The following CERS5 variants were observed in gnomAD, a reference collection of about 807,000 sequenced individuals.
The protein encoded by CERS5 is LAG1 homolog, ceramide synthase 5.
Under a neutral mutation model 58.9 loss-of-function variants are expected in CERS5, and 37 were observed. That is an observed-to-expected ratio of 0.63 (90% CI 0.48 to 0.83). The LOEUF (loss-of-function observed/expected upper bound fraction) is 0.83. CERS5 is among the 40% of genes least tolerant of loss of function. The pLI is 0.00. For missense variants in CERS5, 398 were observed against 489.3 expected, an observed-to-expected ratio of 0.81 and a Z score of 1.76; for synonymous variants, 147 against 177.8, an observed-to-expected ratio of 0.83 and a Z score of 1.38.
intron 3 of CERS5, 51 bp downstream of exon 3, chr12:50,143,023 G>T: frequency 6.5e-7 from 1 of 1,545,856 alleles, no homozygotes; most frequent in East Asian, 2.3e-5. Flanking sequence ...CTTCAGTCCA[G>T]TTGTATCCCA....
intron 1 of CERS5, among the ~76,000 whole-genome samples, chr12:50,166,845 A>C (rs1230458481): frequency 6.6e-6 from 1 of 152,034 alleles, no homozygotes; most frequent in East Asian, 1.9e-4. Context: ...CCCCCAATCC[A>C]ACTCCGGATC....
At position 50,167,287 on chromosome 12, in the gene CERS5, G is replaced by T; in HGVS notation, c.11C>A (p.Ala4Glu). 6.5e-7 allele frequency: 1 copy of T among 1,538,196 alleles called. No homozygotes were observed. Among genetic ancestry groups the T allele is most frequent in the Non-Finnish European group, 8.7e-7 (1 of 1,151,494 alleles). The change falls in exon 1 of 10, where the codon GCA becomes GAA. Residue 4 changes from alanine (A) to glutamate (E), a missense_variant. Ala to Glu is a moderately radical substitution (Grantham distance 107, BLOSUM62 -1). This residue lies in a region of CERS5 where 328 missense variants were observed against 384.5 expected (regional missense o/e 0.85). Transcript: ENST00000317551. MATAAQGPLSLLWG... is the reference protein window; with the variant it reads MATEAQGPLSLLWG... ...CAGCAAGCTTAGGGGTCCCTGCGCT[G>T]CTGTCGCCATCTTACGCCCACCCCG...
chr12:50,139,196 T>C (rs559681947), intron 4 of CERS5, among the ~76,000 whole-genome samples: 1 of 152,278 alleles, frequency 6.6e-6, no homozygotes, highest in Admixed American at 6.5e-5. Context: ...ATTTTATCCA[T>C]GGCCAGGCAC....
chr12:50,132,739 TA>T (rs1028704088), intron 9 of CERS5, among the ~76,000 whole-genome samples: 23 of 146,300 alleles, frequency 1.6e-4, no homozygotes, highest in African/African-American at 5.7e-4. Flanking sequence ...AGATTTGAGG[TA>T]AACAGAGACT....
intron 4 of CERS5, among the ~76,000 whole-genome samples, chr12:50,140,909 A>G (rs1057022664): frequency 6.6e-6 from 1 of 151,766 alleles, no homozygotes; most frequent in Non-Finnish European, 1.5e-5. Context: ...TTCAAATACA[A>G]CTGTATATTT....
At chr12:50,163,344 G>A (rs975188151) in intron 1 of CERS5, among the ~76,000 whole-genome samples, 1 of 150,916 alleles carries the variant, frequency 6.6e-6, no homozygotes, top group Non-Finnish European at 1.5e-5. Flanking sequence ...GATTACAGGC[G>A]CCCGCCACTA....
chr12:50,149,435 G>C (rs1937696982), intron 1 of CERS5, among the ~76,000 whole-genome samples: 3 of 152,150 alleles, frequency 2.0e-5, no homozygotes. Context: ...GTTGACCTAA[G>C]CCTGGGTTAA....
intron 1 of CERS5, chr12:50,165,910 T>C: frequency 2.2e-6 from 1 of 453,992 alleles, no homozygotes; most frequent in Non-Finnish European, 4.4e-6. Context: ...CACATTATAA[T>C]ATCACACACC....
intron 1 of CERS5, among the ~76,000 whole-genome samples, chr12:50,164,762 A>G (rs985980175): frequency 6.6e-6 from 1 of 152,168 alleles, no homozygotes; most frequent in Non-Finnish European, 1.5e-5. Flanking sequence ...GCCAGGGGAT[A>G]TATGTCTTCA....
chr12:50,141,544 TA>T (rs1202497926), intron 4 of CERS5, among the ~76,000 whole-genome samples: 1 of 152,164 alleles, frequency 6.6e-6, no homozygotes, highest in African/African-American at 2.4e-5. Flanking sequence ...AGTAAAGTTA[TA>T]AAGTTACTGA....
At chr12:50,163,024 G>A (rs186979266) in intron 1 of CERS5, among the ~76,000 whole-genome samples, 149 of 152,048 alleles carry the variant, frequency 9.8e-4, no homozygotes, top group South Asian at 1.7e-3. Context: ...TCAGCCTCCT[G>A]AGTAGCTGGG....
chr12:50,140,061 T>A (rs937777528), intron 4 of CERS5, among the ~76,000 whole-genome samples: 1 of 152,036 alleles, frequency 6.6e-6, no homozygotes, highest in African/African-American at 2.4e-5. Context: ...TACTTTAACC[T>A]ATTTTGCTTA....
In CERS5 at chr12:50,134,002, G is replaced by A. The variant is rs534211110; in HGVS notation, c.1029+544C>T. ...CAGGAGAATCGCTTGAACCCAGGAG[G>A]TGGAGGTTGTGGTGAGCCAAGATCG... On this transcript the variant is annotated intron_variant, in intron 9 of 9. Coordinates refer to ENST00000317551, the MANE Select transcript of CERS5 (RefSeq NM_147190.5). 6 of 153,800 alleles carry A rather than the reference G, an allele frequency of 3.9e-5. No individual in the cohort carries two copies. The East Asian group carries it at 9.6e-4, about 24-fold the overall frequency. The allele number at this position is 153,800 out of a possible 1,614,324, so 9.5% of individuals were successfully genotyped here. A position where few individuals can be genotyped will look rare whatever the true frequency, so the allele number is the denominator to read the frequency against.
chr12:50,143,359 T>G, intron 2 of CERS5, 155 bp from the exon 3 acceptor site: 1 of 804,678 alleles, frequency 1.2e-6, no homozygotes, highest in Non-Finnish European at 2.0e-6. Context: ...AGTAAGAAAT[T>G]TTATCTTACA....
Position 50,129,310 on chromosome 12 carries a change from G to A in CERS5, c.*1235C>T, listed in dbSNP as rs529536898. 1.2e-4 allele frequency: 18 copies of A among 151,978 alleles called. No homozygotes were observed. The highest frequency in any genetic ancestry group is 1.7e-4 in the African/African-American group (7 of 41,362). The allele number at this position is 151,978 out of a possible 1,614,324, so 9.4% of individuals were successfully genotyped here. A position where few individuals can be genotyped will look rare whatever the true frequency, so the allele number is the denominator to read the frequency against. ...TGTGTTAGTTATTATTTTTATTATT[G>A]TTTTATCCAATTGCATCTTTTGTCA... On this transcript the variant is annotated 3_prime_UTR_variant, in exon 10 of 10. Coordinates refer to ENST00000317551, the MANE Select transcript of CERS5 (RefSeq NM_147190.5).
chr12:50,144,848 TA>T, intron 1 of CERS5: 1 of 1,453,894 alleles, frequency 6.9e-7, no homozygotes. Context: ...TTAAAAAGAA[TA>T]AAAAAGCCGG....
Position 50,135,993 on chromosome 12 carries a change from C to G in CERS5, c.713G>C (p.Arg238Pro). 1 of 1,522,154 alleles carries G rather than the reference C, an allele frequency of 6.6e-7. No homozygotes were observed. 94.3% of individuals were successfully genotyped at this position (1,522,154 alleles called of 1,614,324 possible). Residue 238 changes from arginine (R) to proline (P), a missense_variant, in exon 7 of 10, where the codon CGA (arginine) becomes CCA (proline). Transcript: ENST00000317551. ...TAGACACATGATCAGAGTTCCCACT[C>G]GAACCATATTGTTGATGTAGGAGAA... ...ISFSYINNMV[R>P]VGTLIMCLHD...
intron 4 of CERS5, among the ~76,000 whole-genome samples, chr12:50,140,431 G>A (rs181932536): frequency 8.6e-5 from 13 of 151,712 alleles, no homozygotes; most frequent in Admixed American, 6.6e-4. Flanking sequence ...TTATAGGCAC[G>A]TGCCACCATG....
At position 50,133,791 on chromosome 12, in the gene CERS5, A is replaced by G. The variant is rs1346145688; in HGVS notation, c.1029+755T>C. 3.0e-6 allele frequency: 3 copies of G among 985,532 alleles called. No individual in the cohort carries two copies. In the African/African-American group the frequency reaches 5.2e-5, roughly 17 times the overall value. The allele number at this position is 985,532 out of a possible 1,614,324, so 61.0% of individuals were successfully genotyped here. Reference sequence around the variant, plus strand: ...TCACATCTTAAAAGGTAAAACAGGCAGGCCAGGTGCGGTGGCTCACGCCTG... The same window carrying G: ...TCACATCTTAAAAGGTAAAACAGGCGGGCCAGGTGCGGTGGCTCACGCCTG... On this transcript the variant is annotated intron_variant, in intron 9 of 9. Transcript: ENST00000317551.
Sources: allele counts gnomAD v4.1 joint callset (sites outside exome capture counted in the v4.1 genomes callset), GRCh38; gene constraint gnomAD v4.1.1; regional missense constraint gnomAD v4.1.1; transcripts MANE v1.5; gene names NCBI Gene and HGNC (gene_info 2026-07-23, HGNC 2026-07-21).